The following PTPRD variants were observed in gnomAD, a reference collection of about 807,000 sequenced individuals.
The protein encoded by PTPRD is receptor-type tyrosine-protein phosphatase delta.
A neutral mutation model predicts 214.5 loss-of-function variants in PTPRD; 34 were observed. The ratio of observed to expected loss-of-function variants is 0.16; its 90% confidence interval spans 0.12 to 0.21. PTPRD has a LOEUF of 0.21. Ranked by LOEUF, PTPRD falls within the 10% of genes least tolerant of loss-of-function variation. The pLI is 1.00. For missense variants in PTPRD, 2,545 were observed against 2,398.7 expected, an observed-to-expected ratio of 1.06 and a Z score of -1.27; for synonymous variants, 1,128 against 845.7, an observed-to-expected ratio of 1.33 and a Z score of -5.79.
At chr9:10,608,756 C>G (rs748233025) in intron 2 of PTPRD, among the ~76,000 whole-genome samples, 2 of 152,100 alleles carry the variant, frequency 1.3e-5, no homozygotes, top group Non-Finnish European at 2.9e-5. Context: ...GTTCTCCTAA[C>G]GGGTAATGTT....
chr9:9,139,227 T>C (rs1377370182), intron 10 of PTPRD, among the ~76,000 whole-genome samples: 3 of 151,800 alleles, frequency 2.0e-5, no homozygotes, highest in Non-Finnish European at 2.9e-5. Context: ...CTCAATGACA[T>C]CCACAGGTTC....
chr9:9,126,371 T>A (rs1284345991), intron 10 of PTPRD, among the ~76,000 whole-genome samples: 1 of 152,186 alleles, frequency 6.6e-6, no homozygotes, highest in Non-Finnish European at 1.5e-5. Context: ...AATATTTGAA[T>A]ATAAGCTGAA....
At chr9:10,520,874 C>G (rs1296756158) in intron 2 of PTPRD, among the ~76,000 whole-genome samples, 4 of 151,374 alleles carry the variant, frequency 2.6e-5, no homozygotes, top group Non-Finnish European at 5.9e-5. Context: ...TTGAGACCAC[C>G]CTGCTCAGAG....
At chr9:9,876,123 C>G (rs190229088) in intron 5 of PTPRD, among the ~76,000 whole-genome samples, 33 of 152,078 alleles carry the variant, frequency 2.2e-4, no homozygotes, top group Admixed American at 1.4e-3. Flanking sequence ...GTGTTTTGAA[C>G]CAAGGATTAT....
At chr9:9,488,666 A>T (rs2095764154) in intron 8 of PTPRD, among the ~76,000 whole-genome samples, 5 of 152,230 alleles carry the variant, frequency 3.3e-5, no homozygotes, top group Admixed American at 3.3e-4. Flanking sequence ...AGGAGAATGC[A>T]CTTGCAGAGT....
intron 11 of PTPRD, among the ~76,000 whole-genome samples, chr9:8,800,773 G>GA (rs2096555428): frequency 6.6e-6 from 1 of 152,142 alleles, no homozygotes; most frequent in Admixed American, 6.5e-5. Flanking sequence ...GACTCGCGCT[G>GA]AATTCTTTCC....
chr9:8,778,188 G>A (rs77453552), intron 11 of PTPRD, among the ~76,000 whole-genome samples: 6,540 of 152,228 alleles, frequency 0.043, 273 homozygotes, highest in African/African-American at 0.1. Flanking sequence ...TAAGGCCGGC[G>A]TGATAGCCAC....
At chr9:8,442,543 A>T (rs1357348811) in intron 34 of PTPRD, among the ~76,000 whole-genome samples, 1 of 152,190 alleles carries the variant, frequency 6.6e-6, no homozygotes, top group Non-Finnish European at 1.5e-5. Context: ...GCTGGAGAAC[A>T]GTTTGTGCTT....
chr9:9,819,029 G>A (rs569169033), intron 5 of PTPRD, among the ~76,000 whole-genome samples: 27 of 151,620 alleles, frequency 1.8e-4, no homozygotes, highest in Non-Finnish European at 3.2e-4. Flanking sequence ...TCACCAACAT[G>A]TTTTACTTGA....
chr9:9,102,269 G>A (rs567184829), intron 10 of PTPRD, among the ~76,000 whole-genome samples: 7 of 152,248 alleles, frequency 4.6e-5, no homozygotes, highest in African/African-American at 1.7e-4. Context: ...ATCCATATAT[G>A]AGGGCAAGAA....
At chr9:8,887,354 T>G (rs2098499975) in intron 11 of PTPRD, among the ~76,000 whole-genome samples, 1 of 152,168 alleles carries the variant, frequency 6.6e-6, no homozygotes, top group Non-Finnish European at 1.5e-5. Context: ...GGCAGTGAGA[T>G]GCTGGCTCCT....
chr9:10,078,513 C>CT (rs1431576966), intron 3 of PTPRD, among the ~76,000 whole-genome samples: 1 of 98,120 alleles, frequency 1.0e-5, no homozygotes, highest in Admixed American at 1.2e-4. Flanking sequence ...AAGACTCCAT[C>CT]TAAAAAAAAA....
intron 14 of PTPRD, among the ~76,000 whole-genome samples, chr9:8,580,458 A>G (rs1239015110): frequency 1.3e-5 from 2 of 152,328 alleles, no homozygotes; most frequent in East Asian, 1.9e-4. Flanking sequence ...TTTTAAATAT[A>G]TGCTATATAT....
intron 12 of PTPRD, among the ~76,000 whole-genome samples, chr9:8,646,979 T>C (rs2096708056): frequency 6.6e-6 from 1 of 152,238 alleles, no homozygotes; most frequent in African/African-American, 2.4e-5. Context: ...TGTTTATAGT[T>C]TGGCGAATTA....
At chr9:9,178,327 TTTC>T (rs1327742849) in intron 10 of PTPRD, among the ~76,000 whole-genome samples, 1 of 152,080 alleles carries the variant, frequency 6.6e-6, no homozygotes, top group Non-Finnish European at 1.5e-5. Context: ...TCTTCCTTTC[TTTC>T]TTTTCTTTTC....
chr9:9,265,299 T>A (rs73390814), intron 9 of PTPRD, among the ~76,000 whole-genome samples: 2,554 of 151,768 alleles, frequency 0.017, 71 homozygotes, highest in African/African-American at 0.059. Context: ...TCTCATTCTG[T>A]CACCTAGGCC....
chr9:9,156,333 A>G (rs1420924134), intron 10 of PTPRD, among the ~76,000 whole-genome samples: 1 of 151,364 alleles, frequency 6.6e-6, no homozygotes, highest in Non-Finnish European at 1.5e-5. Context: ...CCCATTTTCT[A>G]CCTTCCAAGA....
At position 8,929,875 on chromosome 9, in the gene PTPRD, G is replaced by GTATA. The variant is rs1555537402; in HGVS notation, c.-104+88818_-104+88821dup. ...TATATATGTGTATATACATGTGTGT[G>GTATA]TATATATGTGTGTGTATATATATGT... On this transcript the variant is annotated intron_variant, in intron 11 of 45. Coordinates refer to ENST00000381196, the MANE Select transcript of PTPRD (RefSeq NM_002839.4). Among the ~76,000 whole-genome samples, 312 of 68,984 alleles carry GTATA rather than the reference G, an allele frequency of 4.5e-3. 35 individuals are homozygous for GTATA. Among genetic ancestry groups the GTATA allele is most frequent in the African/African-American group, 0.015 (269 of 18,222 alleles). 45.3% of individuals were successfully genotyped at this position (68,984 alleles called of 152,430 possible).
rs117772880 is a variant in PTPRD, at chr9:9,114,254, C to T, written c.-143+69050G>A. Among the ~76,000 whole-genome samples, 1,345 of 152,186 alleles carry T rather than the reference C, an allele frequency of 8.8e-3. 18 individuals carry two copies. Among genetic ancestry groups the T allele is most frequent in the Admixed American group, 0.04 (616 of 15,264 alleles). ...TGCAAACAGGGATGGGTATTGATGG[C>T]CATACAGTTGAAACGAGGGCACTTA... is the stretch of plus-strand genomic sequence containing the variant. On this transcript the variant is annotated intron_variant, in intron 10 of 45. Transcript: ENST00000381196.
Sources: gnomAD v4.1 joint callset for allele counts (sites outside exome capture counted in the v4.1 genomes callset) on GRCh38, gnomAD v4.1.1 for gene constraint, MANE v1.5 for transcripts, NCBI Gene and HGNC (gene_info 2026-07-23, HGNC 2026-07-21) for gene names.